Variants in SUSD1 observed in about 807,000 individuals in gnomAD.
SUSD1 encodes sushi domain-containing protein 1.
A neutral mutation model predicts 86.9 loss-of-function variants in SUSD1; 65 were observed. The ratio of observed to expected loss-of-function variants is 0.75; its 90% CI spans 0.61 to 0.92. The LOEUF (loss-of-function observed/expected upper bound fraction) is 0.92. Among genes scored for constraint, SUSD1 ranks in the 40% least tolerant of loss-of-function variants. The pLI, the probability that SUSD1 is intolerant of heterozygous loss-of-function variation, is 0.00. For missense variants in SUSD1, 850 were observed against 929.7 expected, an observed-to-expected ratio of 0.91 and a Z score of 1.11; for synonymous variants, 346 against 350.0, an observed-to-expected ratio of 0.99 and a Z score of 0.13.
chr9:112,043,354 A>T (rs1239686904), intron 15 of SUSD1, among the ~76,000 whole-genome samples: 1 of 152,188 alleles, frequency 6.6e-6, no homozygotes, highest in Non-Finnish European at 1.5e-5. Context: ...AAACTGGTTC[A>T]TCTGATCTTG....
chr9:112,084,553 C>T (rs550392099), intron 10 of SUSD1, among the ~76,000 whole-genome samples: 5 of 152,288 alleles, frequency 3.3e-5, no homozygotes, highest in South Asian at 4.1e-4. Context: ...CAGTTCCACC[C>T]GGGTCAGGGA....
intron 6 of SUSD1, among the ~76,000 whole-genome samples, chr9:112,115,824 G>GAAAGAAAAAGA (rs1831297934): frequency 8.3e-6 from 1 of 120,956 alleles, no homozygotes; most frequent in Admixed American, 9.9e-5. Flanking sequence ...AAAAAAAAAA[G>GAAAGAAAAAGA]AAAAAAAAAA....
chr9:112,097,145 G>T (rs1233069168), intron 10 of SUSD1, among the ~76,000 whole-genome samples: 1 of 151,916 alleles, frequency 6.6e-6, no homozygotes, highest in Non-Finnish European at 1.5e-5. Context: ...GGCCAACATG[G>T]TGAAACCCTG....
At chr9:112,084,811 G>T (rs544744361) in intron 10 of SUSD1, among the ~76,000 whole-genome samples, 1 of 151,980 alleles carries the variant, frequency 6.6e-6, no homozygotes, top group Admixed American at 6.6e-5. Flanking sequence ...TTCTCCACCC[G>T]CTGGGCCAAT....
At chr9:112,068,915 A>G (rs1427000213) in intron 12 of SUSD1, among the ~76,000 whole-genome samples, 1 of 152,184 alleles carries the variant, frequency 6.6e-6, no homozygotes, top group African/African-American at 2.4e-5. Context: ...GGAATCTGGC[A>G]ACCAAGTCAG....
At chr9:112,100,005 C>A (rs974466029) in intron 9 of SUSD1, among the ~76,000 whole-genome samples, 1 of 152,228 alleles carries the variant, frequency 6.6e-6, no homozygotes. Context: ...ATCGTCAGAG[C>A]TGCTCCTCCA....
intron 6 of SUSD1, among the ~76,000 whole-genome samples, chr9:112,115,814 A>AAAAAAAAAAAAAG (rs58660302): frequency 1.0e-3 from 20 of 19,246 alleles, no homozygotes; most frequent in African/African-American, 4.0e-3. Flanking sequence ...ATTGCAAAAA[A>AAAAAAAAAAAAAG]AAAAAAAAAG....
intron 12 of SUSD1, among the ~76,000 whole-genome samples, chr9:112,075,021 T>C (rs1020135304): frequency 6.6e-6 from 1 of 152,126 alleles, no homozygotes; most frequent in Non-Finnish European, 1.5e-5. Context: ...CTCATCAAGA[T>C]GAAACCCCCT....
chr9:112,048,324 A>G (rs1828043012), intron 15 of SUSD1, among the ~76,000 whole-genome samples: 1 of 152,204 alleles, frequency 6.6e-6, no homozygotes, highest in African/African-American at 2.4e-5. Flanking sequence ...TTTGGGAACC[A>G]TATTAGAATT....
intron 12 of SUSD1, among the ~76,000 whole-genome samples, chr9:112,069,777 A>G (rs983157363): frequency 1.3e-5 from 2 of 148,374 alleles, no homozygotes; most frequent in Admixed American, 6.9e-5. Context: ...CACACAGGAG[A>G]AGCAGAACAA....
chr9:112,122,387 T>G (rs1831590775), intron 6 of SUSD1, among the ~76,000 whole-genome samples: 1 of 152,190 alleles, frequency 6.6e-6, no homozygotes, highest in Admixed American at 6.5e-5. Flanking sequence ...CTTGAACTCC[T>G]GGGCTCAAGC....
chr9:112,124,440 C>A lies in SUSD1; in HGVS notation c.707-4G>T, dbSNP rs1416607910. 8.7e-6 allele frequency: 14 copies of A among 1,612,902 alleles called. No homozygotes were observed. The highest frequency in any genetic ancestry group is 1.0e-5 in the Non-Finnish European group (12 of 1,179,290). Reference sequence around the variant, plus strand: ...GGAGGGTTGCCACAGTTGATCTCTGCAATGGGAACCAAGACAGCACTGGTT... The same window carrying A: ...GGAGGGTTGCCACAGTTGATCTCTGAAATGGGAACCAAGACAGCACTGGTT... On this transcript the variant is annotated splice_polypyrimidine_tract_variant and splice_region_variant and intron_variant, in intron 5 of 16. Transcript: ENST00000374270.
chr9:112,141,298 C>T (rs1169588156), intron 5 of SUSD1, among the ~76,000 whole-genome samples: 3 of 152,290 alleles, frequency 2.0e-5, no homozygotes, highest in African/African-American at 4.8e-5. Flanking sequence ...TCTTATGGGA[C>T]CACTACAATG....
intron 11 of SUSD1, 80 bp downstream of exon 11, chr9:112,079,994 A>C: frequency 1.0e-6 from 1 of 985,876 alleles, no homozygotes; most frequent in South Asian, 1.3e-5. Context: ...TTATAGATGT[A>C]GATTTTTAGG....
chr9:112,061,642 G>A (rs1828730496), intron 13 of SUSD1, among the ~76,000 whole-genome samples: 1 of 152,138 alleles, frequency 6.6e-6, no homozygotes, highest in Admixed American at 6.5e-5. Flanking sequence ...ATGCCTTCTG[G>A]TAACTTGTCA....
intron 15 of SUSD1, among the ~76,000 whole-genome samples, chr9:112,045,036 C>T (rs1335251176): frequency 1.3e-5 from 2 of 152,176 alleles, no homozygotes; most frequent in Non-Finnish European, 2.9e-5. Context: ...CAAATGCTCT[C>T]TTACAAGTAA....
intron 12 of SUSD1, among the ~76,000 whole-genome samples, chr9:112,068,669 T>C (rs1175273667): frequency 6.8e-6 from 1 of 146,450 alleles, no homozygotes; most frequent in Non-Finnish European, 1.5e-5. Flanking sequence ...ACCACTGCAC[T>C]CCAGCCTGGG....
intron 15 of SUSD1, among the ~76,000 whole-genome samples, chr9:112,048,351 T>A (rs1348445611): frequency 6.6e-6 from 1 of 152,126 alleles, no homozygotes; most frequent in Non-Finnish European, 1.5e-5. Context: ...ATCACAACTA[T>A]AAAGGTTTAA....
chr9:112,165,569 T>C (rs781622), intron 1 of SUSD1, among the ~76,000 whole-genome samples: 103,824 of 151,628 alleles, frequency 0.68, 36,308 homozygotes, highest in African/African-American at 0.83. Flanking sequence ...ACCACCACAC[T>C]CGGCTAATTT....
Sources: allele counts gnomAD v4.1 joint callset (sites outside exome capture counted in the v4.1 genomes callset), GRCh38; gene constraint gnomAD v4.1.1; transcripts MANE v1.5; gene names NCBI Gene and HGNC (gene_info 2026-07-23, HGNC 2026-07-21).